EPHA3: variants seen among roughly 807,000 people sequenced by gnomAD.
The protein encoded by EPHA3 is ephrin type-A receptor 3.
In EPHA3, 42 loss-of-function variants were observed where a neutral mutation model predicts 107.1. The observed-to-expected ratio is 0.39, with a 90% CI of 0.31 to 0.51. EPHA3 has a LOEUF of 0.51. EPHA3 is among the 20% of genes least tolerant of loss of function. The probability of loss-of-function intolerance (pLI) is 0.78; values close to 1 mark genes in which losing one functional copy is unlikely to be tolerated. For synonymous variants in EPHA3, 461 were observed against 424.8 expected (o/e 1.09, Z -1.05); for missense variants, 1,183 against 1,211.2 (o/e 0.98, Z 0.35).
intron 5 of EPHA3, among the ~76,000 whole-genome samples, chr3:89,342,493 T>C (rs1707552039): frequency 6.6e-6 from 1 of 152,152 alleles, no homozygotes; most frequent in African/African-American, 2.4e-5. Context: ...TATTCCTTTG[T>C]TATTTCATAC....
At chr3:89,109,229 C>G (rs1707042572) in intron 1 of EPHA3, among the ~76,000 whole-genome samples, 1 of 151,920 alleles carries the variant, frequency 6.6e-6, no homozygotes. Context: ...AATTATCTTA[C>G]CCACAAATGA....
chr3:89,351,253 G>A (rs1480057272), intron 5 of EPHA3, among the ~76,000 whole-genome samples: 3 of 151,254 alleles, frequency 2.0e-5, no homozygotes, highest in Non-Finnish European at 4.4e-5. Flanking sequence ...AGACTGCTGT[G>A]CTAGCAATCA....
intron 3 of EPHA3, among the ~76,000 whole-genome samples, chr3:89,221,629 T>G (rs977564258): frequency 1.3e-5 from 2 of 152,168 alleles, no homozygotes; most frequent in African/African-American, 4.8e-5. Context: ...TTGCCTACTA[T>G]GTACCCAGTG....
rs752861353 is a variant in EPHA3, at chr3:89,275,580, A to G, written c.814+65060A>G. ...ATTGTAAGTGAAAATGCCTTTCAAA[A>G]TGCAAGTCCATAACCCATTTACAAA... On this transcript the variant is annotated intron_variant, in intron 3 of 16. Coordinates refer to ENST00000336596, the MANE Select transcript of EPHA3 (RefSeq NM_005233.6). 4.7e-4 allele frequency among the ~76,000 whole-genome samples: 72 copies of G among 152,226 alleles called. 1 individual carries two copies. The highest frequency in any genetic ancestry group is 6.8e-3 in the Middle Eastern group (2 of 294).
chr3:89,256,297 C>T (rs1404575039), intron 3 of EPHA3, among the ~76,000 whole-genome samples: 2 of 151,934 alleles, frequency 1.3e-5, no homozygotes, highest in Non-Finnish European at 2.9e-5. Context: ...CCTGTAATTC[C>T]CAGCACTTTG....
chr3:89,323,310 T>G (rs1490265651), intron 3 of EPHA3, among the ~76,000 whole-genome samples: 1 of 152,104 alleles, frequency 6.6e-6, no homozygotes, highest in East Asian at 1.9e-4. Context: ...TTATAAAGTT[T>G]TCACTATCCC....
chr3:89,262,239 G>A (rs1462178459), intron 3 of EPHA3, among the ~76,000 whole-genome samples: 1 of 152,074 alleles, frequency 6.6e-6, no homozygotes, highest in Non-Finnish European at 1.5e-5. Context: ...AACTGTATTA[G>A]TTTCCCAGGG....
chr3:89,317,615 A>G (rs1449241971), intron 3 of EPHA3, among the ~76,000 whole-genome samples: 1 of 151,762 alleles, frequency 6.6e-6, no homozygotes, highest in Non-Finnish European at 1.5e-5. Context: ...AAAACAAATA[A>G]TCATTTTTGC....
intron 3 of EPHA3, among the ~76,000 whole-genome samples, chr3:89,294,342 A>G (rs1706293058): frequency 6.6e-6 from 1 of 152,184 alleles, no homozygotes; most frequent in Admixed American, 6.5e-5. Flanking sequence ...GGAGAAAATC[A>G]TTTGTTCAAA....
At chr3:89,417,561 A>G (rs1405387842) in intron 10 of EPHA3, among the ~76,000 whole-genome samples, 1 of 151,372 alleles carries the variant, frequency 6.6e-6, no homozygotes, top group Non-Finnish European at 1.5e-5. Flanking sequence ...TACAATTCTG[A>G]GAATAATTTT....
chr3:89,352,326 T>A (rs764260892), intron 5 of EPHA3, among the ~76,000 whole-genome samples: 3 of 151,272 alleles, frequency 2.0e-5, no homozygotes, highest in Non-Finnish European at 4.4e-5. Context: ...TTATTTTTGT[T>A]TTTAATTTAT....
intron 3 of EPHA3, among the ~76,000 whole-genome samples, chr3:89,284,478 T>G (rs1706030365): frequency 6.6e-6 from 1 of 152,322 alleles, no homozygotes; most frequent in African/African-American, 2.4e-5. Flanking sequence ...AGTACTTAAC[T>G]TTATAATTTT....
At position 89,233,367 on chromosome 3, in the gene EPHA3, G is replaced by A. The variant is rs192914965; in HGVS notation, c.814+22847G>A. Among the ~76,000 whole-genome samples the A allele has an allele frequency of 1.8e-3, 279 of 152,192 alleles. 1 individual carries two copies. Among genetic ancestry groups the A allele is most frequent in the Non-Finnish European group, 3.2e-3 (217 of 68,010 alleles). On this transcript the variant is annotated intron_variant, in intron 3 of 16. Transcript: ENST00000336596. ...TTGTCCCCCCACTTTTCTGCCTTTGGCATTGAACTAGTGTGCGTAAATGAG... is the reference window on the plus strand; with the variant it reads ...TTGTCCCCCCACTTTTCTGCCTTTGACATTGAACTAGTGTGCGTAAATGAG...
At chr3:89,466,701 C>G (rs1218717108) in intron 15 of EPHA3, among the ~76,000 whole-genome samples, 2 of 132,826 alleles carry the variant, frequency 1.5e-5, no homozygotes, top group African/African-American at 2.8e-5. Context: ...GCGCACGGTG[C>G]GCACACACAC....
intron 3 of EPHA3, among the ~76,000 whole-genome samples, chr3:89,339,270 C>T (rs999101487): frequency 6.8e-6 from 1 of 147,906 alleles, no homozygotes; most frequent in Non-Finnish European, 1.5e-5. Flanking sequence ...ACCTGGGAGG[C>T]TGAGGCAGGA....
In EPHA3 at chr3:89,242,507, G is replaced by A. The variant is rs530353096; in HGVS notation, c.814+31987G>A. Among the ~76,000 whole-genome samples, 5 of 152,054 alleles carry A rather than the reference G, an allele frequency of 3.3e-5. No individual in the cohort carries two copies. The East Asian group carries it at 7.8e-4, about 24-fold the overall frequency. ...GGCTGCAGTGCAGTGGCATGATCTC[G>A]GCTCACTGCAAGCTCCGCCTCCCGG... On this transcript the variant is annotated intron_variant, in intron 3 of 16. Coordinates refer to ENST00000336596, the MANE Select transcript of EPHA3 (RefSeq NM_005233.6).
chr3:89,458,287 A>G (rs1710140211), intron 15 of EPHA3, among the ~76,000 whole-genome samples: 1 of 152,180 alleles, frequency 6.6e-6, no homozygotes, highest in African/African-American at 2.4e-5. Context: ...AATTCCCTTT[A>G]TTTTGAGCTT....
At chr3:89,343,866 C>T (rs1359143978) in intron 5 of EPHA3, among the ~76,000 whole-genome samples, 3 of 152,124 alleles carry the variant, frequency 2.0e-5, no homozygotes, top group South Asian at 2.1e-4. Flanking sequence ...GCTTTGCTTC[C>T]GTTAATGGTA....
chr3:89,349,445 C>G (rs1382234385), intron 5 of EPHA3, among the ~76,000 whole-genome samples: 1 of 142,704 alleles, frequency 7.0e-6, no homozygotes, highest in Admixed American at 7.0e-5. Context: ...CAACCCCTGC[C>G]TTTTTTTGTT....
Sources: allele counts gnomAD v4.1 joint callset (sites outside exome capture counted in the v4.1 genomes callset), GRCh38; gene constraint gnomAD v4.1.1; transcripts MANE v1.5; gene names NCBI Gene and HGNC (gene_info 2026-07-23, HGNC 2026-07-21).